Variants in RIC1 observed in about 807,000 individuals in gnomAD.
RIC1 encodes the protein RIC1 partner of RAB6A GEF complex.
Under a neutral mutation model 169.0 loss-of-function variants are expected in RIC1, and 88 were observed. The ratio of observed to expected loss-of-function variants is 0.52; its 90% CI spans 0.44 to 0.62. RIC1 has a LOEUF of 0.62. Among genes scored for constraint, RIC1 ranks in the 20% least tolerant of loss-of-function variants. The probability of loss-of-function intolerance (pLI) is 0.00; values close to 1 mark genes in which losing one functional copy is unlikely to be tolerated. For synonymous variants in RIC1, 790 were observed against 601.5 expected (o/e 1.31, Z -4.59); for missense variants, 1,877 against 1,725.5 (o/e 1.09, Z -1.56).
intron 1 of RIC1, among the ~76,000 whole-genome samples, chr9:5,633,713 C>CT (rs1227693428): frequency 2.0e-5 from 3 of 152,138 alleles, no homozygotes; most frequent in Admixed American, 1.3e-4. Flanking sequence ...ACAGCTCCCT[C>CT]TTTTTTTGTA....
chr9:5,705,924 T>A (rs1443788194), intron 3 of RIC1, among the ~76,000 whole-genome samples: 3 of 152,246 alleles, frequency 2.0e-5, no homozygotes, highest in Non-Finnish European at 4.4e-5. Context: ...CCCTTCATTC[T>A]ATTAATATGA....
chr9:5,637,254 A>T (rs191741417), intron 1 of RIC1, among the ~76,000 whole-genome samples: 2 of 151,994 alleles, frequency 1.3e-5, no homozygotes, highest in African/African-American at 2.4e-5. Flanking sequence ...TTTTTTATAG[A>T]GATGGGATTT....
Position 5,774,306 on chromosome 9 carries a change from T to C in RIC1, c.*60T>C, listed in dbSNP as rs1282242052. The C allele has an allele frequency of 2.1e-6, 3 of 1,413,822 alleles. No homozygotes were observed. The highest frequency in any genetic ancestry group is 2.3e-5 in the East Asian group (1 of 43,454). 87.6% of individuals were successfully genotyped at this position (1,413,822 alleles called of 1,614,324 possible). A position where few individuals can be genotyped will look rare whatever the true frequency, so the allele number is the denominator to read the frequency against. ...TAGCAGCAGCGTGCAGCTCAGTACGTTGTAACATAGTTGGATGATTTAACA... is the reference window on the plus strand; with the variant it reads ...TAGCAGCAGCGTGCAGCTCAGTACGCTGTAACATAGTTGGATGATTTAACA... On this transcript the variant is annotated 3_prime_UTR_variant, in exon 26 of 26. Coordinates refer to ENST00000414202, the MANE Select transcript of RIC1 (RefSeq NM_020829.4).
rs144338986 is a variant in RIC1 at position 5,741,052 on chromosome 9, A to C, written c.902-1817A>C. On this transcript the variant is annotated intron_variant, in intron 8 of 25. Transcript: ENST00000414202. ...TTTTGAAGGTAAACTCTACTTTGGG[A>C]GAGTCTGAAATGTACTTATTTTGCT... Among the ~76,000 whole-genome samples, 3 of 152,278 alleles carry C rather than the reference A, an allele frequency of 2.0e-5. No individual in the cohort carries two copies. In the East Asian group the frequency reaches 5.8e-4, roughly 29 times the overall value.
intron 2 of RIC1, among the ~76,000 whole-genome samples, chr9:5,666,026 G>C (rs1819734868): frequency 6.6e-6 from 1 of 152,180 alleles, no homozygotes; most frequent in South Asian, 2.1e-4. Context: ...AGGCTGGACT[G>C]ATTGAGAAGC....
chr9:5,678,537 A>T (rs1374806221), intron 2 of RIC1, among the ~76,000 whole-genome samples: 1 of 151,844 alleles, frequency 6.6e-6, no homozygotes, highest in Non-Finnish European at 1.5e-5. Context: ...AATGATTGCC[A>T]TTCTAACTGG....
chr9:5,656,329 C>T (rs1301243457), intron 1 of RIC1, among the ~76,000 whole-genome samples: 4 of 152,234 alleles, frequency 2.6e-5, no homozygotes, highest in African/African-American at 9.6e-5. Context: ...CCTATGAACA[C>T]ATTTAGTCCT....
chr9:5,710,938 C>T (rs1822893664), intron 3 of RIC1, among the ~76,000 whole-genome samples: 1 of 152,040 alleles, frequency 6.6e-6, no homozygotes, highest in Non-Finnish European at 1.5e-5. Context: ...GGTTTAATAT[C>T]TAACTGACTA....
chr9:5,776,603 T>G (rs949163417), downstream of RIC1: 3 of 152,044 alleles, frequency 2.0e-5, no homozygotes, highest in African/African-American at 7.2e-5. Context: ...GAAAATCATC[T>G]TTTCATTATA....
In RIC1 at chr9:5,776,316, T is replaced by A. The variant is rs1827582902; in HGVS notation, c.*2070T>A. 6.6e-6 allele frequency: 1 copy of A among 152,290 alleles called. No homozygotes were observed. The highest frequency in any genetic ancestry group is 2.1e-4 in the South Asian group (1 of 4,832). The allele number at this position is 152,290 out of a possible 1,614,324, so 9.4% of individuals were successfully genotyped here. On this transcript the variant is annotated 3_prime_UTR_variant, in exon 26 of 26. Transcript: ENST00000414202. ...CTTAATTTTTAAAAACCCATTTTTA[T>A]TGTGGTGTTTGGTTCACATATCAAC...
intron 2 of RIC1, among the ~76,000 whole-genome samples, chr9:5,667,254 C>G (rs1245858257): frequency 1.3e-5 from 2 of 152,090 alleles, no homozygotes; most frequent in Non-Finnish European, 2.9e-5. Flanking sequence ...CCCAGGAGTT[C>G]AAGGTTACCA....
At chr9:5,702,653 T>C (rs954965063) in intron 3 of RIC1, among the ~76,000 whole-genome samples, 1 of 152,072 alleles carries the variant, frequency 6.6e-6, no homozygotes, top group Non-Finnish European at 1.5e-5. Flanking sequence ...ATTCTCCTGC[T>C]TCAGCCTCCT....
chr9:5,744,398 G>T (rs1169540589), intron 10 of RIC1, among the ~76,000 whole-genome samples: 1 of 152,084 alleles, frequency 6.6e-6, no homozygotes, highest in Non-Finnish European at 1.5e-5. Context: ...TTACATAGAT[G>T]TATGTCAAAG....
chr9:5,763,787 T>G lies in RIC1; in HGVS notation c.2760T>G (p.Val920=). 1.2e-6 allele frequency: 2 copies of G among 1,614,206 alleles called. No homozygotes were observed. Among genetic ancestry groups the G allele is most frequent in the Non-Finnish European group, 8.5e-7 (1 of 1,180,020 alleles). ...TGTGGAATTACCTTTTTGCAGCTGT[T>G]GGAAACCCTAAGGACTTGTTTGAGG... ...YALWNYLFAA[V]GNPKDLFEEC... is the part of the protein sequence containing the mutation. The change falls in exon 19 of 26, where the codon GTT becomes GTG. Residue 920 remains valine (V), a synonymous_variant. Transcript: ENST00000414202. The surrounding 1 kb of genome is among the most constrained non-coding windows in gnomAD (Gnocchi z 5.2).
intron 1 of RIC1, among the ~76,000 whole-genome samples, chr9:5,649,517 A>G (rs1818691226): frequency 6.6e-6 from 1 of 151,740 alleles, no homozygotes; most frequent in South Asian, 2.1e-4. Context: ...CGGTTTGAGG[A>G]TTTCTGTTTG....
intron 2 of RIC1, among the ~76,000 whole-genome samples, chr9:5,683,303 G>A (rs886702883): frequency 2.0e-5 from 3 of 152,118 alleles, no homozygotes; most frequent in Non-Finnish European, 2.9e-5. Context: ...TTTGATGATG[G>A]TGACGTACAG....
intron 2 of RIC1, among the ~76,000 whole-genome samples, chr9:5,677,872 T>A (rs992288700): frequency 8.5e-5 from 13 of 152,266 alleles, no homozygotes; most frequent in Admixed American, 6.5e-4. Flanking sequence ...TATTATACTT[T>A]AAGTTTTAGG....
intron 15 of RIC1, 54 bp downstream of exon 15, chr9:5,754,984 A>G (rs530958426): frequency 8.6e-7 from 1 of 1,163,570 alleles, no homozygotes. Flanking sequence ...GCTATTAAGC[A>G]TGAATTAATT....
chr9:5,708,321 A>G (rs935564823), intron 3 of RIC1, among the ~76,000 whole-genome samples: 1 of 152,138 alleles, frequency 6.6e-6, no homozygotes, highest in African/African-American at 2.4e-5. Context: ...AGATTTCTGA[A>G]CCAAAAATAC....
Sources: allele counts gnomAD v4.1 joint callset (sites outside exome capture counted in the v4.1 genomes callset), GRCh38; gene constraint gnomAD v4.1.1; non-coding constraint Gnocchi (gnomAD v3.1); transcripts MANE v1.5; gene names NCBI Gene and HGNC (gene_info 2026-07-23, HGNC 2026-07-21).